Variants in KCTD8 observed in about 807,000 individuals in gnomAD.
The protein encoded by KCTD8 is BTB/POZ domain-containing protein KCTD8.
KCTD8 carries 27 observed loss-of-function variants against 31.5 expected under a neutral mutation model. The observed-to-expected ratio is 0.86, with a 90% CI of 0.63 to 1.18. The LOEUF is 1.18. KCTD8 is among the 50% of genes most tolerant of loss of function. The pLI is 0.00. For synonymous variants in KCTD8, 290 were observed against 280.0 expected, an observed-to-expected ratio of 1.04 and a Z score of -0.36; for missense variants, 658 against 647.7, an observed-to-expected ratio of 1.02 and a Z score of -0.17.
chr4:44,216,986 C>A (rs1295551676), intron 1 of KCTD8, among the ~76,000 whole-genome samples: 1 of 152,100 alleles, frequency 6.6e-6, no homozygotes. Context: ...TGCAAACATG[C>A]ACCTATGTGT....
chr4:44,235,161 C>T (rs1577845155), intron 1 of KCTD8, among the ~76,000 whole-genome samples: 1 of 148,280 alleles, frequency 6.7e-6, no homozygotes, highest in Non-Finnish European at 1.5e-5. Context: ...AAAATAAGCA[C>T]TTATATTTCA....
In KCTD8 at chr4:44,448,637, G is replaced by A; in HGVS notation, c.-114C>T. On this transcript the variant is annotated 5_prime_UTR_variant, in exon 1 of 2. Transcript: ENST00000360029. This position sits in a 1 kb window ranked among gnomAD's most constrained non-coding sequence, Gnocchi z 4.1. ...GCTCTGCGCCCTCGGACTGGGCGGC[G>A]CGTTCCTCCGACCGGGGCGGCCCCG... 2 of 1,154,790 alleles carry A rather than the reference G, an allele frequency of 1.7e-6. No homozygotes were observed. The highest frequency in any genetic ancestry group is 1.1e-6 in the Non-Finnish European group (1 of 908,008). 71.5% of individuals were successfully genotyped at this position (1,154,790 alleles called of 1,614,324 possible).
intron 1 of KCTD8, among the ~76,000 whole-genome samples, chr4:44,186,659 G>A (rs1713598977): frequency 6.6e-6 from 1 of 152,188 alleles, no homozygotes; most frequent in Non-Finnish European, 1.5e-5. Flanking sequence ...CCTCCCCCTA[G>A]GGGTTTTGAG....
intron 1 of KCTD8, among the ~76,000 whole-genome samples, chr4:44,201,792 A>G (rs1476725818): frequency 6.6e-6 from 1 of 152,150 alleles, no homozygotes; most frequent in Non-Finnish European, 1.5e-5. Context: ...TAAAATTGAC[A>G]GTGTGACCTA....
intron 1 of KCTD8, among the ~76,000 whole-genome samples, chr4:44,371,742 A>G (rs1719791774): frequency 6.6e-6 from 1 of 152,222 alleles, no homozygotes; most frequent in South Asian, 2.1e-4. Flanking sequence ...GCACATCAGT[A>G]TCTACATTGT....
rs1316891381 is a variant in KCTD8, at chr4:44,447,801, G to A, written c.723C>T (p.Ile241=). The A allele has an allele frequency of 1.2e-6, 2 of 1,605,932 alleles. No homozygotes were observed. The highest frequency in any genetic ancestry group is 8.5e-7 in the Non-Finnish European group (1 of 1,175,504). The change falls in exon 1 of 2, where the codon ATC becomes ATT. Residue 241 remains isoleucine (I), a synonymous_variant. Coordinates refer to ENST00000360029, the MANE Select transcript of KCTD8 (RefSeq NM_198353.3). ...RVARIMVCGR[I]ALAKEVFGDT... is the part of the protein sequence containing the mutation. ...CCCCGAAGACCTCCTTGGCCAGCGC[G>A]ATGCGCCCGCACACCATGATGCGCG...
rs537521167 is a variant in KCTD8, at chr4:44,403,211, A to G, written c.961+44352T>C. Reference sequence around the variant, plus strand: ...AAGTTGAGCAAAATAGAATTTGTCAAAATTACTCTGCTGGTCACAAACCTC... The same window carrying G: ...AAGTTGAGCAAAATAGAATTTGTCAGAATTACTCTGCTGGTCACAAACCTC... On this transcript the variant is annotated intron_variant, in intron 1 of 1. Coordinates refer to ENST00000360029, the MANE Select transcript of KCTD8 (RefSeq NM_198353.3). Among the ~76,000 whole-genome samples, 3 of 152,248 alleles carry G rather than the reference A, an allele frequency of 2.0e-5. No homozygotes were observed. The East Asian group carries it at 5.8e-4, about 29-fold the overall frequency.
chr4:44,416,034 A>T (rs1248350191), intron 1 of KCTD8, among the ~76,000 whole-genome samples: 1 of 152,228 alleles, frequency 6.6e-6, no homozygotes, highest in Non-Finnish European at 1.5e-5. Flanking sequence ...TGTACCCTGA[A>T]AAAGCCACAG....
chr4:44,289,672 A>G (rs962849065), intron 1 of KCTD8, among the ~76,000 whole-genome samples: 17 of 152,112 alleles, frequency 1.1e-4, no homozygotes, highest in Non-Finnish European at 2.1e-4. Flanking sequence ...CCCCATAGAC[A>G]TTTTAACTGG....
intron 1 of KCTD8, among the ~76,000 whole-genome samples, chr4:44,279,009 G>A (rs73811992): frequency 0.029 from 4,467 of 152,088 alleles, 235 homozygotes; most frequent in African/African-American, 0.1. Context: ...AACAGCACAA[G>A]CTTTGGAATC....
chr4:44,418,601 A>G (rs927408088), intron 1 of KCTD8, among the ~76,000 whole-genome samples: 5 of 151,256 alleles, frequency 3.3e-5, no homozygotes, highest in Non-Finnish European at 1.5e-5. Flanking sequence ...ATAGAGAAGA[A>G]AGAAAAAATT....
chr4:44,349,771 A>C (rs1159338472), intron 1 of KCTD8, among the ~76,000 whole-genome samples: 4 of 152,166 alleles, frequency 2.6e-5, no homozygotes, highest in Non-Finnish European at 5.9e-5. Context: ...GATTGTATCA[A>C]GGCCTATATT....
At chr4:44,177,379 T>A (rs567796582) in intron 1 of KCTD8, among the ~76,000 whole-genome samples, 1 of 152,206 alleles carries the variant, frequency 6.6e-6, no homozygotes, top group East Asian at 1.9e-4. Context: ...CCTTCTCTTC[T>A]CCTTCCCTCT....
intron 1 of KCTD8, among the ~76,000 whole-genome samples, chr4:44,412,766 T>G (rs1720992289): frequency 6.6e-6 from 1 of 152,202 alleles, no homozygotes; most frequent in Non-Finnish European, 1.5e-5. Context: ...AAGCATTTAC[T>G]ACAATGATAC....
chr4:44,246,879 T>C (rs1715682168), intron 1 of KCTD8, among the ~76,000 whole-genome samples: 1 of 152,058 alleles, frequency 6.6e-6, no homozygotes, highest in Non-Finnish European at 1.5e-5. Flanking sequence ...CTCTATGTTC[T>C]TCTCTTCTTT....
chr4:44,181,402 C>G (rs950472185), intron 1 of KCTD8, among the ~76,000 whole-genome samples: 15 of 152,168 alleles, frequency 9.9e-5, no homozygotes, highest in Non-Finnish European at 1.9e-4. Flanking sequence ...CGCACCACCA[C>G]GCCTGACTGG....
rs75069052 is a variant in KCTD8 at position 44,184,201 on chromosome 4, C to A, written c.962-8951G>T. On this transcript the variant is annotated intron_variant, in intron 1 of 1. Coordinates refer to ENST00000360029, the MANE Select transcript of KCTD8 (RefSeq NM_198353.3). ...GAGCAAGGAGTAAAATAAAAAGAGG[C>A]TGATTTGTGATTGGAGTGAGCTAAG... 8.2e-3 allele frequency among the ~76,000 whole-genome samples: 1,242 copies of A among 152,162 alleles called. 20 individuals are homozygous for A. Among genetic ancestry groups the A allele is most frequent in the African/African-American group, 0.028 (1,167 of 41,516 alleles).
intron 1 of KCTD8, among the ~76,000 whole-genome samples, chr4:44,309,956 C>T (rs571090635): frequency 1.3e-5 from 2 of 151,988 alleles, no homozygotes; most frequent in African/African-American, 2.4e-5. Flanking sequence ...AAGGTAATGT[C>T]GTCATAGGAT....
At chr4:44,397,638 A>G (rs1437072272) in intron 1 of KCTD8, among the ~76,000 whole-genome samples, 1 of 152,184 alleles carries the variant, frequency 6.6e-6, no homozygotes, top group East Asian at 1.9e-4. Flanking sequence ...CCATCTGAAT[A>G]ATTTGAATAA....
Sources: allele counts gnomAD v4.1 joint callset (sites outside exome capture counted in the v4.1 genomes callset), GRCh38; gene constraint gnomAD v4.1.1; non-coding constraint Gnocchi (gnomAD v3.1); transcripts MANE v1.5; gene names NCBI Gene and HGNC (gene_info 2026-07-23, HGNC 2026-07-21).